The following CDH11 variants were observed in gnomAD, a reference collection of about 807,000 sequenced individuals.
The protein encoded by CDH11 is cadherin-11.
In CDH11, 11 loss-of-function variants were observed where a neutral mutation model predicts 67.8. The observed-to-expected ratio is 0.16, with a 90% CI of 0.10 to 0.27. CDH11 has a LOEUF of 0.27. Among genes scored for constraint, CDH11 ranks in the 10% least tolerant of loss-of-function variants. The probability of loss-of-function intolerance (pLI) is 1.00; values close to 1 mark genes in which losing one functional copy is unlikely to be tolerated. For missense variants in CDH11, 847 were observed against 1,031.2 expected, an observed-to-expected ratio of 0.82 and a Z score of 2.45; for synonymous variants, 419 against 400.0, an observed-to-expected ratio of 1.05 and a Z score of -0.57.
intron 1 of CDH11, among the ~76,000 whole-genome samples, chr16:65,119,370 A>G (rs954336309): frequency 7.2e-5 from 11 of 152,198 alleles, no homozygotes; most frequent in Non-Finnish European, 1.6e-4. Context: ...AAATTGCGCC[A>G]TAACTATTTT....
intron 1 of CDH11, among the ~76,000 whole-genome samples, chr16:65,074,433 C>T (rs1249456779): frequency 2.0e-5 from 3 of 152,172 alleles, no homozygotes; most frequent in Non-Finnish European, 4.4e-5. Context: ...TTCTCTGAAC[C>T]TCAGTTTCTC....
At chr16:64,951,671 A>G (rs916897106) in intron 11 of CDH11, among the ~76,000 whole-genome samples, 1 of 152,158 alleles carries the variant, frequency 6.6e-6, no homozygotes, top group Non-Finnish European at 1.5e-5. Flanking sequence ...CTATGTGCAG[A>G]CTTCCTACTT....
intron 6 of CDH11, among the ~76,000 whole-genome samples, chr16:64,991,106 A>G (rs1187229691): frequency 6.6e-6 from 1 of 152,162 alleles, no homozygotes; most frequent in Admixed American, 6.5e-5. Context: ...TTCTGAAGCT[A>G]GTTAACAAAA....
At chr16:65,021,276 G>A (rs1173474019) in intron 2 of CDH11, among the ~76,000 whole-genome samples, 3 of 152,180 alleles carry the variant, frequency 2.0e-5, no homozygotes, top group Admixed American at 1.3e-4. Flanking sequence ...AAACAGAACA[G>A]AGGCTTAGAT....
chr16:65,015,480 T>C (rs1219370101), intron 2 of CDH11, among the ~76,000 whole-genome samples: 1 of 151,698 alleles, frequency 6.6e-6, no homozygotes, highest in Non-Finnish European at 1.5e-5. Context: ...AAACTCTTCA[T>C]TTTATAGAGA....
At chr16:65,010,538 T>C (rs556061624) in intron 2 of CDH11, among the ~76,000 whole-genome samples, 1 of 152,214 alleles carries the variant, frequency 6.6e-6, no homozygotes, top group African/African-American at 2.4e-5. Context: ...TCACTTCTTC[T>C]CAGGTGCAAA....
intron 1 of CDH11, among the ~76,000 whole-genome samples, chr16:65,077,947 T>C (rs1007373838): frequency 6.6e-6 from 1 of 152,226 alleles, no homozygotes. Context: ...ATTGACTTCA[T>C]TCACAGAAGT....
intron 11 of CDH11, among the ~76,000 whole-genome samples, chr16:64,954,959 A>G (rs1185073210): frequency 6.6e-6 from 1 of 151,768 alleles, no homozygotes; most frequent in Non-Finnish European, 1.5e-5. Flanking sequence ...AAAAAAAAAA[A>G]AAAAAGGCCA....
chr16:65,086,343 C>A (rs1382211348), intron 1 of CDH11, among the ~76,000 whole-genome samples: 1 of 152,138 alleles, frequency 6.6e-6, no homozygotes. Flanking sequence ...TCTTTAAAGC[C>A]ACCTCAAGGG....
chr16:65,080,199 G>A (rs1015308759), intron 1 of CDH11, among the ~76,000 whole-genome samples: 3 of 151,154 alleles, frequency 2.0e-5, no homozygotes, highest in Admixed American at 6.6e-5. Flanking sequence ...TTGCTTGTCC[G>A]ATGTACAGTA....
intron 11 of CDH11, among the ~76,000 whole-genome samples, chr16:64,955,023 G>C (rs2071470858): frequency 6.6e-6 from 1 of 151,318 alleles, no homozygotes; most frequent in African/African-American, 2.4e-5. Flanking sequence ...GAGGCAGGCG[G>C]ATCACGAGGT....
At chr16:65,021,123 A>G (rs907842492) in intron 2 of CDH11, among the ~76,000 whole-genome samples, 1 of 152,138 alleles carries the variant, frequency 6.6e-6, no homozygotes, top group South Asian at 2.1e-4. Flanking sequence ...AAAAGTGCAA[A>G]GAGCAGAGTG....
chr16:65,051,599 A>G (rs1244276392), intron 2 of CDH11, among the ~76,000 whole-genome samples: 1 of 152,124 alleles, frequency 6.6e-6, no homozygotes, highest in Non-Finnish European at 1.5e-5. Flanking sequence ...TCTCATCTCA[A>G]TTTGTAATTT....
rs1041597518 is a variant in CDH11 at position 64,944,483 on chromosome 16, T to G, written c.*3120A>C. The G allele has an allele frequency of 4.3e-6, 1 of 232,822 alleles. No individual in the cohort carries two copies. Among genetic ancestry groups the G allele is most frequent in the Non-Finnish European group, 8.5e-6 (1 of 117,924 alleles). 14.4% of individuals were successfully genotyped at this position (232,822 alleles called of 1,614,324 possible). On this transcript the variant is annotated 3_prime_UTR_variant, in exon 13 of 13. Coordinates refer to ENST00000268603, the MANE Select transcript of CDH11 (RefSeq NM_001797.4). Reference sequence around the variant, plus strand: ...CCTCCACACTGCCTGCCAAATAAATTTTGCCCCTCTTCTGCTCAGAGACTC... The same window carrying G: ...CCTCCACACTGCCTGCCAAATAAATGTTGCCCCTCTTCTGCTCAGAGACTC...
chr16:65,095,859 G>T (rs1014439530), intron 1 of CDH11, among the ~76,000 whole-genome samples: 3 of 152,092 alleles, frequency 2.0e-5, no homozygotes, highest in Non-Finnish European at 4.4e-5. Context: ...TTAGGCCAAG[G>T]GATCAATGCC....
chr16:65,046,906 G>C (rs187826631), intron 2 of CDH11, among the ~76,000 whole-genome samples: 5 of 152,160 alleles, frequency 3.3e-5, no homozygotes, highest in Admixed American at 3.3e-4. Flanking sequence ...CCAGGAGCTC[G>C]AGACCAGCCT....
intron 11 of CDH11, among the ~76,000 whole-genome samples, chr16:64,965,531 G>C (rs1466047958): frequency 2.6e-5 from 4 of 152,158 alleles, no homozygotes; most frequent in African/African-American, 9.7e-5. Context: ...ACATGGAGCT[G>C]TTGTCTTCTA....
At position 64,947,667 on chromosome 16, in the gene CDH11, C is replaced by A; in HGVS notation, c.2327G>T (p.Gly776Val). Residue 776 changes from glycine to valine, a missense_variant, in exon 13 of 13, where the codon GGA (glycine) becomes GTA (valine). Gly to Val is a moderately radical substitution (Grantham distance 109). Transcript: ENST00000268603. ...DLDYDYLQNW[G>V]PRFKKLADLY... ...ATCTGCTAGTTTCTTAAAACGAGGT[C>A]CCCAGTTCTGTAGATAATCATAGTC... 1 of 1,614,070 alleles carries A rather than the reference C, an allele frequency of 6.2e-7. No individual in the cohort carries two copies. The highest frequency in any genetic ancestry group is 8.5e-7 in the Non-Finnish European group (1 of 1,179,966).
At chr16:65,082,538 C>T (rs528286297) in intron 1 of CDH11, among the ~76,000 whole-genome samples, 10 of 152,228 alleles carry the variant, frequency 6.6e-5, no homozygotes, top group East Asian at 3.9e-4. Flanking sequence ...CCTCAACCCA[C>T]GTGTAAAATG....
Sources: allele counts gnomAD v4.1 joint callset (sites outside exome capture counted in the v4.1 genomes callset), GRCh38; gene constraint gnomAD v4.1.1; transcripts MANE v1.5; gene names NCBI Gene and HGNC (gene_info 2026-07-23, HGNC 2026-07-21).